The following USB1 variants were observed in gnomAD, a reference collection of about 807,000 sequenced individuals.
The protein encoded by USB1 is U6 snRNA biogenesis phosphodiesterase 1.
A neutral mutation model predicts 29.9 loss-of-function variants in USB1; 21 were observed. The ratio of observed to expected loss-of-function variants is 0.70; its 90% CI spans 0.50 to 1.01. The LOEUF (loss-of-function observed/expected upper bound fraction) is 1.01. USB1 is among the 50% of genes least tolerant of loss of function. USB1 has a pLI of 0.00. For synonymous variants in USB1, 143 were observed against 134.9 expected (o/e 1.06, Z -0.42); for missense variants, 330 against 347.1 (o/e 0.95, Z 0.39).
intron 6 of USB1, 150 bp downstream of exon 6, chr16:58,019,205 A>G (rs762881243): frequency 2.5e-5 from 19 of 774,888 alleles, no homozygotes; most frequent in Middle Eastern, 4.9e-4. Context: ...TTGTGACTCA[A>G]GGTGTGGCCC....
chr16:58,019,122 G>T lies in USB1; in HGVS notation c.693+67G>T, dbSNP rs1016586993. 8 of 1,536,770 alleles carry T rather than the reference G, an allele frequency of 5.2e-6. No individual in the cohort carries two copies. In the African/African-American group the frequency reaches 5.4e-5, roughly 10 times the overall value. Reference sequence around the variant, plus strand: ...GAAATGACAGGACAGATGCTGGAGAGGGGGAGGATGAGGCACCCAAACCTG... The same window carrying T: ...GAAATGACAGGACAGATGCTGGAGATGGGGAGGATGAGGCACCCAAACCTG... On this transcript the variant is annotated intron_variant, in intron 6 of 6. Transcript: ENST00000219281.
intron 1 of USB1, 62 bp from the exon 2 acceptor site, chr16:58,002,417 T>C: frequency 8.1e-6 from 13 of 1,605,070 alleles, no homozygotes; most frequent in African/African-American, 1.3e-5. Context: ...TTTTGTGGTA[T>C]ATACAAAGGT....
At chr16:58,012,372 G>C (rs1175055211) in intron 3 of USB1, 2 of 1,500,776 alleles carry the variant, frequency 1.3e-6, no homozygotes, top group Middle Eastern at 1.7e-4. Flanking sequence ...AAACCAAAGA[G>C]AAATTTATAG....
intron 5 of USB1, among the ~76,000 whole-genome samples, chr16:58,018,026 T>C (rs1202595114): frequency 1.3e-5 from 2 of 152,178 alleles, no homozygotes; most frequent in South Asian, 2.1e-4. Flanking sequence ...TAGATCAGAA[T>C]AGAGGGTGGA....
chr16:58,012,225 G>A (rs1963512497), intron 3 of USB1: 1 of 1,524,414 alleles, frequency 6.6e-7, no homozygotes, highest in African/African-American at 1.4e-5. Flanking sequence ...AATAAGGGCT[G>A]AAACTCATCT....
chr16:58,018,744 A>G (rs1963675550), intron 5 of USB1, among the ~76,000 whole-genome samples: 1 of 152,192 alleles, frequency 6.6e-6, no homozygotes, highest in Non-Finnish European at 1.5e-5. Context: ...GGTTAGGGCT[A>G]CATGAATTTG....
chr16:58,018,313 G>A (rs540676588), intron 5 of USB1, among the ~76,000 whole-genome samples: 25 of 146,322 alleles, frequency 1.7e-4, no homozygotes, highest in Admixed American at 6.4e-4. Context: ...TGCAACCTCC[G>A]CCTCCCAGGT....
At chr16:58,007,852 G>A (rs1312380642) in intron 2 of USB1, among the ~76,000 whole-genome samples, 1 of 152,156 alleles carries the variant, frequency 6.6e-6, no homozygotes, top group African/African-American at 2.4e-5. Context: ...GCTTGGTGGC[G>A]GGTGCCTGTA....
upstream of USB1, chr16:58,001,362 T>TCCGCCCCGAGGCGGTGCCAGCCCAGGCC: frequency 3.4e-6 from 4 of 1,168,726 alleles, no homozygotes. Context: ...CCCTCCCGGC[T>TCCGCCCCGAGGCGGTGCCAGCCCAGGCC]CCGCCCCGAG....
intron 2 of USB1, among the ~76,000 whole-genome samples, chr16:58,003,767 A>G (rs577567023): frequency 5.8e-4 from 88 of 152,190 alleles, no homozygotes; most frequent in African/African-American, 2.0e-3. Context: ...ATTTTTGTTT[A>G]TTTAATATTA....
chr16:58,006,726 C>T (rs1963369002), intron 2 of USB1, among the ~76,000 whole-genome samples: 1 of 152,072 alleles, frequency 6.6e-6, no homozygotes, highest in Non-Finnish European at 1.5e-5. Flanking sequence ...ATTTCCTTTT[C>T]TTGCCTTATT....
In USB1 at chr16:58,004,417, G is replaced by A. The variant is rs572368275; in HGVS notation, c.265+1772G>A. On this transcript the variant is annotated intron_variant, in intron 2 of 6. Coordinates refer to ENST00000219281, the MANE Select transcript of USB1 (RefSeq NM_024598.4). ...AACTTTGTTCTTCTCCTTCAGTAGT[G>A]TGTTGACTATTCTGGGTTTTTTGGG... 3.9e-5 allele frequency among the ~76,000 whole-genome samples: 6 copies of A among 152,250 alleles called. No individual in the cohort carries two copies. The South Asian group carries it at 1.0e-3, about 26-fold the overall frequency.
chr16:58,011,044 T>C, intron 3 of USB1: 2 of 743,350 alleles, frequency 2.7e-6, no homozygotes, highest in East Asian at 2.7e-5. Context: ...CATTGCCTCA[T>C]TGGAACCAAA....
Position 58,020,274 on chromosome 16 carries a change from C to G in USB1, c.*29C>G. On this transcript the variant is annotated 3_prime_UTR_variant, in exon 7 of 7. Coordinates refer to ENST00000219281, the MANE Select transcript of USB1 (RefSeq NM_024598.4). Reference sequence around the variant, plus strand: ...CCAGAGGCCTTCCTCCTCCAGGGCCCTCTGCAGACCAGGCTGAGATGGAGG... The same window carrying G: ...CCAGAGGCCTTCCTCCTCCAGGGCCGTCTGCAGACCAGGCTGAGATGGAGG... The G allele has an allele frequency of 1.2e-6, 2 of 1,604,800 alleles. No individual in the cohort carries two copies. Among genetic ancestry groups the G allele is most frequent in the Non-Finnish European group, 1.7e-6 (2 of 1,171,682 alleles).
intron 3 of USB1, chr16:58,010,749 A>G (rs1963473183): frequency 2.1e-6 from 1 of 479,234 alleles, no homozygotes; most frequent in Non-Finnish European, 3.8e-6. Flanking sequence ...ATGAAGAGAT[A>G]GGTAGGGTGA....
chr16:58,020,459 TTCTC>T lies in USB1; in HGVS notation c.*217_*220del, dbSNP rs1439079709. The T allele has an allele frequency of 1.7e-6, 1 of 601,472 alleles. No individual in the cohort carries two copies. Among genetic ancestry groups the T allele is most frequent in the Non-Finnish European group, 3.0e-6 (1 of 335,144 alleles). 37.3% of individuals were successfully genotyped at this position (601,472 alleles called of 1,614,324 possible). A position where few individuals can be genotyped will look rare whatever the true frequency, so the allele number is the denominator to read the frequency against. ...CTTCTTTCTCTCTCTTCTCCTCTCT[TTCTC>T]TCCTCTGTCTCTCTTCCTCTCCTCT... On this transcript the variant is annotated 3_prime_UTR_variant, in exon 7 of 7. Coordinates refer to ENST00000219281, the MANE Select transcript of USB1 (RefSeq NM_024598.4).
rs928340306 is a variant in USB1 at position 58,012,093 on chromosome 16, G to A, written c.449+1981G>A. 8.4e-5 allele frequency: 116 copies of A among 1,384,312 alleles called. 3 individuals are homozygous for A. In the East Asian group the frequency reaches 2.4e-3, roughly 29 times the overall value. The allele number at this position is 1,384,312 out of a possible 1,614,324, so 85.8% of individuals were successfully genotyped here. On this transcript the variant is annotated intron_variant, in intron 3 of 6. Transcript: ENST00000219281. Reference sequence around the variant, plus strand: ...AAGCCCCATTCCCACAGTTCAGGGGGCCATAGGCCCAGGAATTCCATAGGA... The same window carrying A: ...AAGCCCCATTCCCACAGTTCAGGGGACCATAGGCCCAGGAATTCCATAGGA...
chr16:58,012,683 C>G, intron 3 of USB1: 1 of 1,164,816 alleles, frequency 8.6e-7, no homozygotes, highest in South Asian at 2.7e-5. Flanking sequence ...GCCCTTCCCC[C>G]TTCCACAGAG....
intron 3 of USB1, chr16:58,011,399 T>C (rs186671472): frequency 2.5e-4 from 291 of 1,181,866 alleles, no homozygotes; most frequent in East Asian, 5.4e-4. Context: ...GCTTTTTTTT[T>C]CCCCTTACCT....
Sources: allele counts gnomAD v4.1 joint callset (sites outside exome capture counted in the v4.1 genomes callset), GRCh38; gene constraint gnomAD v4.1.1; transcripts MANE v1.5; gene names NCBI Gene and HGNC (gene_info 2026-07-23, HGNC 2026-07-21).